Variants in PLXNA4 observed in about 807,000 individuals in gnomAD.
The protein encoded by PLXNA4 is plexin-A4.
Under a neutral mutation model 191.8 loss-of-function variants are expected in PLXNA4, and 44 were observed. The observed-to-expected ratio is 0.23, with a 90% CI of 0.18 to 0.29. The LOEUF (loss-of-function observed/expected upper bound fraction) is 0.29. PLXNA4 is among the 10% of genes least tolerant of loss of function. PLXNA4 has a pLI of 1.00. For synonymous variants in PLXNA4, 1,082 were observed against 1,009.5 expected (o/e 1.07, Z -1.36); for missense variants, 1,800 against 2,488.8 (o/e 0.72, Z 5.89).
intron 3 of PLXNA4, among the ~76,000 whole-genome samples, chr7:132,302,661 C>T (rs1263066517): frequency 6.6e-6 from 1 of 150,812 alleles, no homozygotes; most frequent in African/African-American, 2.4e-5. Flanking sequence ...CCTGAACATA[C>T]GAGATCACAT....
At chr7:132,456,920 T>C (rs1442286888) in intron 3 of PLXNA4, among the ~76,000 whole-genome samples, 1 of 152,000 alleles carries the variant, frequency 6.6e-6, no homozygotes, top group African/African-American at 2.4e-5. Context: ...GGTTCTGTAT[T>C]TTTTTTAACC....
At position 132,159,600 on chromosome 7, in the gene PLXNA4, G is replaced by C; in HGVS notation, c.4533C>G (p.Asn1511Lys). The change falls in exon 25 of 32, where the codon AAC becomes AAG. Residue 1511 changes from asparagine (N) to lysine (K), a missense_variant. Around this residue, in one of 6 missense-constraint regions of PLXNA4, gnomAD observed 214 missense variants for 298.2 expected, o/e 0.72. Transcript: ENST00000321063. ...VLSCVSPDNA[N>K]SPEVPVKILN... Reference sequence around the variant, plus strand: ...GGATCTTTACTGGGACCTCGGGGCTGTTGGCATTGTCTGGGCTGACACAGC... The same window carrying C: ...GGATCTTTACTGGGACCTCGGGGCTCTTGGCATTGTCTGGGCTGACACAGC... The C allele has an allele frequency of 6.2e-7, 1 of 1,614,106 alleles. No homozygotes were observed. The highest frequency in any genetic ancestry group is 8.5e-7 in the Non-Finnish European group (1 of 1,180,026).
At position 132,634,513 on chromosome 7, in the gene PLXNA4, A is replaced by G. The variant is rs1803556562; in HGVS notation, c.-87+11415T>C. Among the ~76,000 whole-genome samples the G allele has an allele frequency of 3.3e-5, 5 of 152,150 alleles. No individual in the cohort carries two copies. In the South Asian group the frequency reaches 1.0e-3, roughly 32 times the overall value. On this transcript the variant is annotated intron_variant, in intron 2 of 4. Transcript: ENST00000378539. ...CACACACATACAGAAAGCCATACTT[A>G]TCCACAACATCCTATCCCACTCTTT...
At chr7:132,194,523 G>A in intron 13 of PLXNA4, among the ~76,000 whole-genome samples, 1 of 152,172 alleles carries the variant, frequency 6.6e-6, no homozygotes, top group East Asian at 1.9e-4. Flanking sequence ...GGCTGGCAGA[G>A]TCCAGAGAGG....
At chr7:132,293,740 C>G (rs2116476107) in intron 4 of PLXNA4, among the ~76,000 whole-genome samples, 1 of 152,352 alleles carries the variant, frequency 6.6e-6, no homozygotes, top group South Asian at 2.1e-4. Context: ...ATGTGTCCTT[C>G]AATCCCATAT....
At chr7:132,529,172 C>A (rs999865784) in intron 1 of PLXNA4, among the ~76,000 whole-genome samples, 2 of 152,224 alleles carry the variant, frequency 1.3e-5, no homozygotes, top group Non-Finnish European at 2.9e-5. Context: ...CCCTGGAAGG[C>A]CCTACCTGGC....
chr7:132,227,174 C>A (rs1336705390), intron 7 of PLXNA4, among the ~76,000 whole-genome samples: 1 of 152,212 alleles, frequency 6.6e-6, no homozygotes, highest in South Asian at 2.1e-4. Context: ...CCTGGCCTGC[C>A]CCTCCCCACC....
intron 25 of PLXNA4, among the ~76,000 whole-genome samples, chr7:132,157,345 G>C (rs1295167449): frequency 1.3e-5 from 2 of 152,164 alleles, no homozygotes; most frequent in Admixed American, 6.5e-5. Context: ...TTTGTCTGCT[G>C]CTGTTTCCAC....
chr7:132,516,315 T>A (rs1336855938), intron 1 of PLXNA4, among the ~76,000 whole-genome samples: 1 of 152,104 alleles, frequency 6.6e-6, no homozygotes, highest in Non-Finnish European at 1.5e-5. Flanking sequence ...TGAGTTCAAA[T>A]GCATCAGAGA....
intron 2 of PLXNA4, among the ~76,000 whole-genome samples, chr7:132,598,258 A>G (rs1802754580): frequency 6.6e-6 from 1 of 152,060 alleles, no homozygotes; most frequent in Non-Finnish European, 1.5e-5. Context: ...ACAGGTGCTC[A>G]CCACCATGCC....
chr7:132,399,165 G>A (rs973372599), intron 3 of PLXNA4, among the ~76,000 whole-genome samples: 1 of 152,152 alleles, frequency 6.6e-6, no homozygotes, highest in African/African-American at 2.4e-5. Flanking sequence ...TTTGCCTGGA[G>A]TATTTACACA....
intron 3 of PLXNA4, among the ~76,000 whole-genome samples, chr7:132,474,155 G>A (rs1797034285): frequency 6.6e-6 from 1 of 151,112 alleles, no homozygotes; most frequent in South Asian, 2.1e-4. Flanking sequence ...AGCAGTGGAA[G>A]CAAAGAATCC....
chr7:132,227,364 G>C (rs765562201), intron 7 of PLXNA4, 87 bp downstream of exon 7: 1 of 1,546,798 alleles, frequency 6.5e-7, no homozygotes, highest in Non-Finnish European at 8.8e-7. Flanking sequence ...CCTGCAGGTT[G>C]CTTTGATCCC....
intron 3 of PLXNA4, among the ~76,000 whole-genome samples, chr7:132,377,790 G>A (rs558136139): frequency 2.6e-5 from 4 of 152,286 alleles, no homozygotes; most frequent in African/African-American, 4.8e-5. Context: ...CAGGGGTAAC[G>A]AGTGAAATGC....
rs548680891 is a variant in PLXNA4, at chr7:132,456,111, C to CTT, written c.1371+33179_1371+33180dup. ...GGTCCCTCTTCGCATCTCCTCTGTTCTTTTTTTTTTTTTTTTTTGGAGATG... is the reference window on the plus strand; with the variant it reads ...GGTCCCTCTTCGCATCTCCTCTGTTCTTTTTTTTTTTTTTTTTTTTGGAGATG... On this transcript the variant is annotated intron_variant, in intron 3 of 31. Coordinates refer to ENST00000321063, the MANE Select transcript of PLXNA4 (RefSeq NM_020911.2). Among the ~76,000 whole-genome samples the CTT allele has an allele frequency of 4.5e-4, 58 of 129,038 alleles. 1 individual carries two copies. Among genetic ancestry groups the CTT allele is most frequent in the South Asian group, 9.7e-4 (4 of 4,124 alleles). The allele number at this position is 129,038 out of a possible 152,430, so 84.7% of individuals were successfully genotyped here.
At chr7:132,536,950 G>C (rs1180216443) in intron 1 of PLXNA4, among the ~76,000 whole-genome samples, 1 of 152,232 alleles carries the variant, frequency 6.6e-6, no homozygotes, top group East Asian at 1.9e-4. Flanking sequence ...TTGCCAAGGA[G>C]TGTTGCTAAG....
Position 132,156,592 on chromosome 7 carries a change from G to A in PLXNA4, c.4660+2881C>T, listed in dbSNP as rs139833804. ...CAGCAGTGGGAGAAGAAAGCACAGC[G>A]GGTGCGGGGAGAAAGTCGGGGGGCA... On this transcript the variant is annotated intron_variant, in intron 25 of 31. Transcript: ENST00000321063. Among the ~76,000 whole-genome samples, 596 of 152,354 alleles carry A rather than the reference G, an allele frequency of 3.9e-3. 2 individuals are homozygous for A. Among genetic ancestry groups the A allele is most frequent in the African/African-American group, 0.014 (574 of 41,588 alleles).
At chr7:132,571,077 G>A (rs901139904) in intron 1 of PLXNA4, among the ~76,000 whole-genome samples, 1 of 151,630 alleles carries the variant, frequency 6.6e-6, no homozygotes, top group Admixed American at 6.6e-5. Context: ...TGGAATAAAA[G>A]TTTGTCTTTT....
chr7:132,535,826 G>A (rs754669244), intron 1 of PLXNA4, among the ~76,000 whole-genome samples: 8 of 152,124 alleles, frequency 5.3e-5, no homozygotes, highest in Non-Finnish European at 1.2e-4. Flanking sequence ...CTTGCCACAG[G>A]CCAGGCACGT....
Sources: gnomAD v4.1 joint callset for allele counts (sites outside exome capture counted in the v4.1 genomes callset) on GRCh38, gnomAD v4.1.1 for gene constraint, gnomAD v4.1.1 regional missense constraint, MANE v1.5 for transcripts, NCBI Gene and HGNC (gene_info 2026-07-23, HGNC 2026-07-21) for gene names.